The following WDR18 variants were observed in gnomAD, a reference collection of about 807,000 sequenced individuals.
WDR18 encodes the protein WD repeat-containing protein 18.
A neutral mutation model predicts 49.6 loss-of-function variants in WDR18; 33 were observed. The ratio of observed to expected loss-of-function variants is 0.67; its 90% CI spans 0.50 to 0.89. WDR18 has a LOEUF of 0.89. Among genes scored for constraint, WDR18 ranks in the 40% least tolerant of loss-of-function variants. WDR18 has a pLI of 0.00. For missense variants in WDR18, 653 were observed against 593.6 expected (o/e 1.10, Z -1.04); for synonymous variants, 315 against 263.6 (o/e 1.19, Z -1.89).
upstream of WDR18, chr19:984,290 G>A (rs2038449689): frequency 4.2e-6 from 6 of 1,417,262 alleles, no homozygotes; most frequent in South Asian, 1.4e-5. Context: ...GCTCTGGCCC[G>A]CGTGGGGCAG....
chr19:988,527 C>G (rs1027384922), intron 2 of WDR18, among the ~76,000 whole-genome samples: 1 of 152,202 alleles, frequency 6.6e-6, no homozygotes, highest in African/African-American at 2.4e-5. Context: ...GCGAGGAAAG[C>G]GAGGCCCAGA....
chr19:993,400 C>T (rs886073729), intron 8 of WDR18, among the ~76,000 whole-genome samples: 1 of 152,218 alleles, frequency 6.6e-6, no homozygotes, highest in Non-Finnish European at 1.5e-5. Context: ...GCCACCTTTC[C>T]CTAGCCGCCC....
At position 984,578 on chromosome 19, in the gene WDR18, T is replaced by A. The variant is rs2301811; in HGVS notation, c.210+15T>A. ...TCCAGCGGAAGGTGCGGCGGTGCGGTCTCGCTGCTGGGGTCATGGGGCGCC... is the reference window on the plus strand; with the variant it reads ...TCCAGCGGAAGGTGCGGCGGTGCGGACTCGCTGCTGGGGTCATGGGGCGCC... On this transcript the variant is annotated intron_variant, in intron 1 of 9. Transcript: ENST00000585809. 5 of 1,447,892 alleles carry A rather than the reference T, an allele frequency of 3.5e-6. No homozygotes were observed. The South Asian group carries it at 5.6e-5, about 16-fold the overall frequency. 89.7% of individuals were successfully genotyped at this position (1,447,892 alleles called of 1,614,324 possible). A position where few individuals can be genotyped will look rare whatever the true frequency, so the allele number is the denominator to read the frequency against.
At chr19:984,194 G>A (rs140722097), upstream of WDR18, 62 of 791,090 alleles carry the variant, frequency 7.8e-5, no homozygotes, top group African/African-American at 1.1e-3. Flanking sequence ...CAGGTAAGCG[G>A]GAAATCCCAC....
In WDR18 at chr19:991,279, G is replaced by T; in HGVS notation, c.859G>T (p.Gly287Cys). The change falls in exon 7 of 10, where the codon GGC (glycine) becomes TGC (cysteine). Residue 287 changes from glycine (G) to cysteine (C), a missense_variant. Coordinates refer to ENST00000585809, the MANE Select transcript of WDR18 (RefSeq NM_024100.4). ...CACTGACGGCAGCGTGCTGCTCTCA[G>T]GCTCCCACGACGAGACCGTGCGCCT... ...VSTDGSVLLS[G>C]SHDETVRLWD... is the part of the protein sequence containing the mutation. 1.3e-6 allele frequency: 2 copies of T among 1,568,420 alleles called. No homozygotes were observed. The highest frequency in any genetic ancestry group is 1.7e-6 in the Non-Finnish European group (2 of 1,155,782).
In WDR18 at chr19:985,944, C is replaced by G. The variant is rs767222068; in HGVS notation, c.290C>G (p.Ala97Gly). The change falls in exon 2 of 10, where the codon GCA (alanine) becomes GGA (glycine). Residue 97 changes from alanine (A) to glycine (G), a missense_variant. Ala to Gly is a moderately conservative substitution (Grantham distance 60). Transcript: ENST00000585809. ...TASPNGLYVL[A>G]GVAESIHLWE... Reference sequence around the variant, plus strand: ...TCACCCAATGGTCTCTACGTCCTGGCAGGAGTTGCAGAAAGCATCCACCTG... The same window carrying G: ...TCACCCAATGGTCTCTACGTCCTGGGAGGAGTTGCAGAAAGCATCCACCTG... 2 of 1,613,794 alleles carry G rather than the reference C, an allele frequency of 1.2e-6. No individual in the cohort carries two copies. The highest frequency in any genetic ancestry group is 2.2e-5 in the South Asian group (2 of 91,090).
At chr19:983,806 G>C (rs1298771046), upstream of WDR18, among the ~76,000 whole-genome samples, 1 of 151,756 alleles carries the variant, frequency 6.6e-6, no homozygotes, top group Non-Finnish European at 1.5e-5. Context: ...TTGGCAGGCC[G>C]AGCTGGGAGG....
Position 992,074 on chromosome 19 carries a change from G to A in WDR18, c.1051G>A (p.Glu351Lys), listed in dbSNP as rs768970328. The change falls in exon 8 of 10, where the codon GAG becomes AAG. Residue 351 changes from glutamate to lysine, a missense_variant. Coordinates refer to ENST00000585809, the MANE Select transcript of WDR18 (RefSeq NM_024100.4). Reference protein sequence around the residue: ...KHLLGAEHGDEPRHGGLTLRL... With the variant: ...KHLLGAEHGDKPRHGGLTLRL... ...CCTGCTGGGCGCCGAGCACGGGGAC[G>A]AGCCGCGCCACGGGGGCCTCACTCT... 2 of 1,561,782 alleles carry A rather than the reference G, an allele frequency of 1.3e-6. No individual in the cohort carries two copies. The highest frequency in any genetic ancestry group is 1.2e-5 in the South Asian group (1 of 85,838).
At chr19:990,793 C>T (rs905614832) in intron 4 of WDR18, 59 bp from the exon 5 acceptor site, 27 of 1,539,438 alleles carry the variant, frequency 1.8e-5, no homozygotes, top group Non-Finnish European at 2.3e-5. Context: ...CCCCTGTTCC[C>T]ATGGGGTCCT....
intron 3 of WDR18, 81 bp downstream of exon 3, chr19:989,976 G>C: frequency 6.6e-7 from 1 of 1,519,984 alleles, no homozygotes; most frequent in South Asian, 1.3e-5. Context: ...GGCCCCTGGC[G>C]GGAAGGGGCT....
chr19:988,906 C>T (rs3815158), intron 2 of WDR18, among the ~76,000 whole-genome samples: 67,977 of 151,978 alleles, frequency 0.45, 16,149 homozygotes, highest in Non-Finnish European at 0.54. Context: ...AGAGACACTG[C>T]GTCTAAATGA....
intron 2 of WDR18, among the ~76,000 whole-genome samples, chr19:987,169 C>G (rs1490550445): frequency 1.3e-5 from 2 of 152,174 alleles, no homozygotes; most frequent in African/African-American, 4.8e-5. Context: ...ATGGTGAAAA[C>G]CCATGTCTGC....
chr19:983,257 C>T (rs574347650), upstream of WDR18, among the ~76,000 whole-genome samples: 1 of 141,500 alleles, frequency 7.1e-6, no homozygotes, highest in South Asian at 2.5e-4. Flanking sequence ...CACAGTGAGA[C>T]CCCCCATCTC....
chr19:984,987 T>C (rs4806885), intron 1 of WDR18, among the ~76,000 whole-genome samples: 95,970 of 151,850 alleles, frequency 0.63, 30,926 homozygotes, highest in Non-Finnish European at 0.7. Flanking sequence ...TCATGTTTAT[T>C]CCTCCAATAA....
At chr19:992,583 C>T (rs1332009112) in intron 8 of WDR18, among the ~76,000 whole-genome samples, 2 of 152,228 alleles carry the variant, frequency 1.3e-5, no homozygotes, top group Non-Finnish European at 2.9e-5. Context: ...GGCCTGGCCA[C>T]AGTCACGCCC....
At chr19:993,058 G>A (rs1343874215) in intron 8 of WDR18, among the ~76,000 whole-genome samples, 1 of 152,236 alleles carries the variant, frequency 6.6e-6, no homozygotes, top group Admixed American at 6.5e-5. Flanking sequence ...GTGGGCTTGG[G>A]GCGGGCAGGC....
chr19:989,248 G>A (rs2145507864), intron 2 of WDR18, among the ~76,000 whole-genome samples: 1 of 149,076 alleles, frequency 6.7e-6, no homozygotes, highest in East Asian at 2.0e-4. Flanking sequence ...GAGCATCTCA[G>A]CCCTCCCCAG....
At chr19:985,035 T>C (rs2038461286) in intron 1 of WDR18, among the ~76,000 whole-genome samples, 1 of 152,154 alleles carries the variant, frequency 6.6e-6, no homozygotes, top group Admixed American at 6.6e-5. Context: ...GTTTCCCCTC[T>C]ACTCCCAAGC....
intron 2 of WDR18, 136 bp from the exon 3 acceptor site, chr19:989,626 C>A (rs373762952): frequency 7.7e-7 from 1 of 1,299,214 alleles, no homozygotes; most frequent in East Asian, 2.4e-5. Flanking sequence ...AGGGTCACCC[C>A]GCAGTCCTGG....
Sources: allele counts gnomAD v4.1 joint callset (sites outside exome capture counted in the v4.1 genomes callset), GRCh38; gene constraint gnomAD v4.1.1; transcripts MANE v1.5; gene names NCBI Gene and HGNC (gene_info 2026-07-23, HGNC 2026-07-21).